ZNF845: variants seen among roughly 807,000 people sequenced by gnomAD.
ZNF845 encodes the protein zinc finger protein 845.
In ZNF845, 59 loss-of-function variants were observed where a neutral mutation model predicts 76.1. That is an observed-to-expected ratio of 0.78 (90% CI 0.63 to 0.96). The LOEUF is 0.96. ZNF845 is among the 40% of genes least tolerant of loss of function. ZNF845 has a pLI of 0.00. For synonymous variants in ZNF845, 361 were observed against 386.9 expected (o/e 0.93, Z 0.78); for missense variants, 1,045 against 1,172.8 (o/e 0.89, Z 1.59).
chr19:53,345,656 G>C (rs1252907561), intron 3 of ZNF845, 24 bp downstream of exon 3: 1 of 1,611,080 alleles, frequency 6.2e-7, no homozygotes, highest in Admixed American at 1.7e-5. Flanking sequence ...CCCTCCAGAA[G>C]TGGGGATGTG....
chr19:53,344,420 C>T (rs765075236), intron 2 of ZNF845, among the ~76,000 whole-genome samples: 5 of 151,954 alleles, frequency 3.3e-5, no homozygotes, highest in Non-Finnish European at 5.9e-5. Flanking sequence ...TGCCAGGAAT[C>T]CCAGCTCCTC....
At chr19:53,343,462 G>A (rs370065810) in intron 2 of ZNF845, among the ~76,000 whole-genome samples, 64 of 152,168 alleles carry the variant, frequency 4.2e-4, no homozygotes, top group Admixed American at 2.0e-3. Context: ...TTCTAGGATG[G>A]GGCATTCCCT....
intron 2 of ZNF845, among the ~76,000 whole-genome samples, chr19:53,342,922 G>T (rs537120407): frequency 6.6e-6 from 1 of 152,130 alleles, no homozygotes; most frequent in South Asian, 2.1e-4. Context: ...AGGTTCAGGC[G>T]ATTCTCCTGC....
In ZNF845 at chr19:53,352,009, A is replaced by G. The variant is rs1311326312; in HGVS notation, c.1334A>G (p.Asp445Gly). Reference sequence around the variant, plus strand: ...AAACCTTACAAATGTGAAGAATGTGATGAAGCTTTCAGTTTCAAATCGAAC... The same window carrying G: ...AAACCTTACAAATGTGAAGAATGTGGTGAAGCTTTCAGTTTCAAATCGAAC... ...GEKPYKCEECDEAFSFKSNLE... is the reference protein window; with the variant it reads ...GEKPYKCEECGEAFSFKSNLE... The change falls in exon 4 of 4, where the codon GAT (aspartate) becomes GGT (glycine). Residue 445 changes from aspartate to glycine, a missense_variant. Asp to Gly is a moderately conservative substitution (Grantham distance 94). Coordinates refer to ENST00000458035, the MANE Select transcript of ZNF845 (RefSeq NM_138374.3). 1 of 1,613,636 alleles carries G rather than the reference A, an allele frequency of 6.2e-7. No individual in the cohort carries two copies. The highest frequency in any genetic ancestry group is 8.5e-7 in the Non-Finnish European group (1 of 1,179,892).
chr19:53,351,454 G>A lies in ZNF845; in HGVS notation c.779G>A (p.Cys260Tyr), dbSNP rs759430402. ...TTTAATCAAAAGCGATATCTTGCAT[G>A]TCATCGTAGATGTCACACTGGCAAG... ...KVFNQKRYLA[C>Y]HRRCHTGKKP... Residue 260 changes from cysteine (C) to tyrosine (Y), a missense_variant, in exon 4 of 4, where the codon TGT becomes TAT. Transcript: ENST00000458035. 7.4e-6 allele frequency: 12 copies of A among 1,614,212 alleles called. No individual in the cohort carries two copies. Among genetic ancestry groups the A allele is most frequent in the East Asian group, 2.2e-5 (1 of 44,886 alleles).
chr19:53,335,943 G>A (rs1355922554), intron 1 of ZNF845, among the ~76,000 whole-genome samples: 2 of 152,054 alleles, frequency 1.3e-5, no homozygotes, highest in Non-Finnish European at 2.9e-5. Context: ...AGTGGCTCAT[G>A]CCTGTAATCC....
chr19:53,339,610 A>C (rs1053835225), intron 1 of ZNF845, among the ~76,000 whole-genome samples: 12 of 152,228 alleles, frequency 7.9e-5, no homozygotes, highest in African/African-American at 2.7e-4. Context: ...GCCAAGTCAG[A>C]AGTCTTAGAC....
chr19:53,353,176 A>G lies in ZNF845; in HGVS notation c.2501A>G (p.Asn834Ser). 6.2e-7 allele frequency: 1 copy of G among 1,613,114 alleles called. No individual in the cohort carries two copies. Reference sequence around the variant, plus strand: ...AGTGGAGAGAAACCTTACAAGTGTAATGAGTGTGGCAAGACCTTCCGTCAC... The same window carrying G: ...AGTGGAGAGAAACCTTACAAGTGTAGTGAGTGTGGCAAGACCTTCCGTCAC... ...IHSGEKPYKC[N>S]ECGKTFRHNS... Residue 834 changes from asparagine (N) to serine (S), a missense_variant, in exon 4 of 4, where the codon AAT becomes AGT. Transcript: ENST00000458035.
intron 2 of ZNF845, among the ~76,000 whole-genome samples, chr19:53,342,580 G>A (rs1016875396): frequency 6.6e-6 from 1 of 152,044 alleles, no homozygotes; most frequent in Non-Finnish European, 1.5e-5. Flanking sequence ...TTGTGGAGCC[G>A]CTACTGTCAG....
At chr19:53,347,996 C>T (rs1331867207) in intron 3 of ZNF845, among the ~76,000 whole-genome samples, 2 of 152,158 alleles carry the variant, frequency 1.3e-5, no homozygotes, top group East Asian at 1.9e-4. Context: ...TTGAGGCCAC[C>T]CTGGCCAACG....
At chr19:53,339,016 C>T (rs918913323) in intron 1 of ZNF845, among the ~76,000 whole-genome samples, 3 of 152,028 alleles carry the variant, frequency 2.0e-5, no homozygotes, top group African/African-American at 7.3e-5. Flanking sequence ...AGGAGAATGG[C>T]TCGAACCTGG....
chr19:53,341,905 A>G (rs560264924), intron 2 of ZNF845, among the ~76,000 whole-genome samples: 4 of 152,286 alleles, frequency 2.6e-5, no homozygotes, highest in South Asian at 4.1e-4. Context: ...TAGGAAATCA[A>G]CCTGAATCAT....
chr19:53,341,697 T>G (rs1488828259), intron 2 of ZNF845, among the ~76,000 whole-genome samples: 1 of 152,198 alleles, frequency 6.6e-6, no homozygotes, highest in Non-Finnish European at 1.5e-5. Flanking sequence ...CATGTATTCA[T>G]GTGCACAAAG....
At position 53,352,189 on chromosome 19, in the gene ZNF845, G is replaced by A. The variant is rs1395362902; in HGVS notation, c.1514G>A (p.Ser505Asn). 1 of 1,613,812 alleles carries A rather than the reference G, an allele frequency of 6.2e-7. No individual in the cohort carries two copies. The highest frequency in any genetic ancestry group is 8.5e-7 in the Non-Finnish European group (1 of 1,179,922). Reference sequence around the variant, plus strand: ...TGTGAAGAATGTGATGAAGCTTTCAGTTTCAAATCAAACCTTGAAAGACAT... The same window carrying A: ...TGTGAAGAATGTGATGAAGCTTTCAATTTCAAATCAAACCTTGAAAGACAT... ...YKCEECDEAF[S>N]FKSNLERHRI... The change falls in exon 4 of 4, where the codon AGT (serine) becomes AAT (asparagine). Residue 505 changes from serine to asparagine, a missense_variant. By Grantham distance (46) the Ser-to-Asn change is conservative. Transcript: ENST00000458035.
chr19:53,353,561 T>A lies in ZNF845; in HGVS notation c.2886T>A (p.His962Gln). The change falls in exon 4 of 4, where the codon CAT becomes CAA. Residue 962 changes from histidine (H) to glutamine (Q), a missense_variant. By Grantham distance (24) the His-to-Gln change is conservative (BLOSUM62 0). Transcript: ENST00000458035. ...GAAAAGCAAAACTTGCACGTCATCA[T>A]AGAATTCATACTGGAAAGAAACATT... is the stretch of plus-strand genomic sequence containing the variant. ...FNRKAKLARH[H>Q]RIHTGKKH 6.2e-7 allele frequency: 1 copy of A among 1,604,180 alleles called. No individual in the cohort carries two copies. Among genetic ancestry groups the A allele is most frequent in the Non-Finnish European group, 8.5e-7 (1 of 1,174,812 alleles).
At chr19:53,348,538 A>C (rs1013254679) in intron 3 of ZNF845, among the ~76,000 whole-genome samples, 1 of 152,162 alleles carries the variant, frequency 6.6e-6, no homozygotes, top group African/African-American at 2.4e-5. Context: ...AAATTCTCTC[A>C]AAGGCCCCAT....
chr19:53,349,771 C>T (rs1290955826), intron 3 of ZNF845, among the ~76,000 whole-genome samples: 1 of 152,132 alleles, frequency 6.6e-6, no homozygotes, highest in East Asian at 1.9e-4. Flanking sequence ...CACTATGGCT[C>T]ACACTTATAA....
Sources: gnomAD v4.1 joint callset for allele counts (sites outside exome capture counted in the v4.1 genomes callset) on GRCh38, gnomAD v4.1.1 for gene constraint, MANE v1.5 for transcripts, NCBI Gene and HGNC (gene_info 2026-07-23, HGNC 2026-07-21) for gene names.